The following SPTBN4 variants were observed in gnomAD, a reference collection of about 807,000 sequenced individuals.
SPTBN4 encodes the protein spectrin beta, non-erythrocytic 4, also known as spectrin beta chain, non-erythrocytic 4.
A neutral mutation model predicts 277.8 loss-of-function variants in SPTBN4; 96 were observed. The observed-to-expected ratio is 0.35, with a 90% CI of 0.29 to 0.41. The LOEUF (loss-of-function observed/expected upper bound fraction) is 0.41. Among genes scored for constraint, SPTBN4 ranks in the 10% least tolerant of loss-of-function variants. SPTBN4 has a pLI of 1.00. For missense variants in SPTBN4, 3,006 were observed against 3,595.7 expected, an observed-to-expected ratio of 0.84 and a Z score of 4.19; for synonymous variants, 1,481 against 1,580.3, an observed-to-expected ratio of 0.94 and a Z score of 1.49.
At position 40,515,930 on chromosome 19, in the gene SPTBN4, C is replaced by CACACATATATACGTATATAT. The variant is rs1303898464; in HGVS notation, c.2903+548_2903+567dup. 2.7e-4 allele frequency among the ~76,000 whole-genome samples: 34 copies of CACACATATATACGTATATAT among 124,672 alleles called. No individual in the cohort carries two copies. The highest frequency in any genetic ancestry group is 4.6e-4 in the Admixed American group (6 of 12,908). The allele number at this position is 124,672 out of a possible 152,430, so 81.8% of individuals were successfully genotyped here. A position where few individuals can be genotyped will look rare whatever the true frequency, so the allele number is the denominator to read the frequency against. ...ATATATATACACACACATATATATA[C>CACACATATATACGTATATAT]ACACATATATACGTATATATACACA... On this transcript the variant is annotated intron_variant, in intron 15 of 35. Transcript: ENST00000598249. The surrounding 1 kb of genome is among the most constrained non-coding windows in gnomAD (Gnocchi z 4.1).
chr19:40,551,240 G>A (rs1320500044), intron 22 of SPTBN4, among the ~76,000 whole-genome samples: 1 of 152,134 alleles, frequency 6.6e-6, no homozygotes, highest in African/African-American at 2.4e-5. Flanking sequence ...AAAACATCGA[G>A]TTAGCCTGGT....
chr19:40,514,331 C>G (rs1203324091), intron 14 of SPTBN4, among the ~76,000 whole-genome samples: 2 of 152,208 alleles, frequency 1.3e-5, no homozygotes, highest in African/African-American at 2.4e-5. Flanking sequence ...AGGACCATGT[C>G]TAGCTTAAAG....
chr19:40,508,880 C>G (rs1243744852), intron 13 of SPTBN4, among the ~76,000 whole-genome samples: 2 of 151,764 alleles, frequency 1.3e-5, no homozygotes, highest in East Asian at 1.9e-4. Flanking sequence ...GAGGCTGTTG[C>G]ATTCATTGGC....
intron 20 of SPTBN4, among the ~76,000 whole-genome samples, chr19:40,540,830 A>G (rs1358219581): frequency 1.3e-5 from 2 of 151,544 alleles, no homozygotes; most frequent in African/African-American, 4.8e-5. Flanking sequence ...AAAAAAAAAA[A>G]AAAAAAAAAA....
In SPTBN4 at chr19:40,493,025, G is replaced by A; in HGVS notation, c.558G>A (p.Leu186=). Residue 186 remains leucine, a synonymous_variant, in exon 5 of 36, where the codon CTG becomes CTA. Coordinates refer to ENST00000598249, the MANE Select transcript of SPTBN4 (RefSeq NM_020971.3). ...NRETRSAKDA[L]LLWCQMKTAG... Reference sequence around the variant, plus strand: ...AGACACGCTCAGCCAAGGATGCTCTGCTCTTGTGGTGTCAGATGAAGACAG... The same window carrying A: ...AGACACGCTCAGCCAAGGATGCTCTACTCTTGTGGTGTCAGATGAAGACAG... The A allele has an allele frequency of 6.2e-7, 1 of 1,614,060 alleles. No individual in the cohort carries two copies. Among genetic ancestry groups the A allele is most frequent in the Non-Finnish European group, 8.5e-7 (1 of 1,180,004 alleles).
intron 18 of SPTBN4, chr19:40,530,651 G>C: frequency 1.1e-6 from 1 of 906,660 alleles, no homozygotes; most frequent in Non-Finnish European, 1.3e-6. Flanking sequence ...ACAGGGGAGG[G>C]GGCTCGGGCG....
chr19:40,536,809 C>G (rs1466198750), intron 20 of SPTBN4, among the ~76,000 whole-genome samples: 2 of 152,080 alleles, frequency 1.3e-5, no homozygotes, highest in African/African-American at 4.8e-5. Context: ...TTATTTGAGC[C>G]AGGATCTCGC....
At position 40,554,604 on chromosome 19, in the gene SPTBN4, C is replaced by G. The variant is rs770128891; in HGVS notation, c.5042C>G (p.Ser1681Trp). 3 of 1,561,638 alleles carry G rather than the reference C, an allele frequency of 1.9e-6. No homozygotes were observed. The South Asian group carries it at 3.6e-5, about 19-fold the overall frequency. ...ENYEESIAQL[S>W]RQCRALLEMG... ...TACGAGGAAAGCATCGCGCAGCTGT[C>G]GCGCCAGTGCCGGGCGCTGCTGGAG... Residue 1681 changes from serine to tryptophan, a missense_variant, in exon 24 of 36, where the codon TCG becomes TGG. Physicochemically the swap from Ser to Trp is radical, Grantham distance 177. This residue lies in a region of SPTBN4 where 425 missense variants were observed against 594.7 expected (regional missense o/e 0.71). Coordinates refer to ENST00000598249, the MANE Select transcript of SPTBN4 (RefSeq NM_020971.3). The surrounding 1 kb of genome is among the most constrained non-coding windows in gnomAD (Gnocchi z 5.7).
intron 20 of SPTBN4, 127 bp from the exon 21 acceptor site, chr19:40,549,062 T>G: frequency 1.4e-6 from 1 of 719,700 alleles, no homozygotes; most frequent in Non-Finnish European, 2.2e-6. Context: ...TGGAGGGGAC[T>G]GAACAAGGAG....
At chr19:40,563,447 G>A (rs2081062789) in intron 27 of SPTBN4, among the ~76,000 whole-genome samples, 1 of 152,010 alleles carries the variant, frequency 6.6e-6, no homozygotes. Context: ...ACAAATGCGA[G>A]CCACATATAT....
chr19:40,541,192 A>G (rs1018007767), intron 20 of SPTBN4, among the ~76,000 whole-genome samples: 1 of 152,192 alleles, frequency 6.6e-6, no homozygotes, highest in African/African-American at 2.4e-5. Context: ...GCCAGAGTAC[A>G]GAGTTAGCTC....
chr19:40,566,229 C>T lies in SPTBN4; in HGVS notation c.6206C>T (p.Pro2069Leu), dbSNP rs760646745. The T allele has an allele frequency of 2.3e-5, 36 of 1,555,946 alleles. No individual in the cohort carries two copies. The highest frequency in any genetic ancestry group is 4.7e-5 in the South Asian group (4 of 84,418). The stretch of plus-strand genomic sequence containing the variant: ...GATGCCTGGCTGACAGCCCAGGAGC[C>T]GCTCCTGCAGAGCCGGGAGCTGGGC... ...VADAWLTAQEPLLQSRELGSS... is the reference protein window; with the variant it reads ...VADAWLTAQELLLQSRELGSS... The change falls in exon 30 of 36, where the codon CCG (proline) becomes CTG (leucine). Residue 2069 changes from proline to leucine, a missense_variant. Around this residue, in one of 5 missense-constraint regions of SPTBN4, gnomAD observed 425 missense variants for 594.7 expected, o/e 0.71. Coordinates refer to ENST00000598249, the MANE Select transcript of SPTBN4 (RefSeq NM_020971.3).
rs531971384 is a variant in SPTBN4 at position 40,571,898 on chromosome 19, A to G, written c.7320-121A>G. ...GCATTTTAGGTCCAACTAGGGCGCA[A>G]CTAGGGCGCAAAGGTCCAGAGGTAG... On this transcript the variant is annotated intron_variant, in intron 33 of 35. Coordinates refer to ENST00000598249, the MANE Select transcript of SPTBN4 (RefSeq NM_020971.3). 2.2e-4 allele frequency: 262 copies of G among 1,206,988 alleles called. 1 individual carries two copies. Among genetic ancestry groups the G allele is most frequent in the Non-Finnish European group, 1.1e-5 (10 of 899,150 alleles). 74.8% of individuals were successfully genotyped at this position (1,206,988 alleles called of 1,614,324 possible).
chr19:40,567,009 T>A (rs1599820075), intron 30 of SPTBN4: 3 of 294,370 alleles, frequency 1.0e-5, no homozygotes, highest in South Asian at 2.5e-5. Context: ...GCTTAAAGGC[T>A]GGGTGGGGTG....
At chr19:40,531,484 T>TTTTTG in intron 18 of SPTBN4, among the ~76,000 whole-genome samples, 1 of 123,852 alleles carries the variant, frequency 8.1e-6, no homozygotes, top group East Asian at 2.2e-4. Flanking sequence ...TTTTTTTTTT[T>TTTTTG]TTTTTTTTTT....
intron 3 of SPTBN4, among the ~76,000 whole-genome samples, chr19:40,488,621 G>A (rs562179830): frequency 3.9e-4 from 60 of 152,072 alleles, no homozygotes; most frequent in African/African-American, 1.3e-3. Flanking sequence ...TGAGACCCCC[G>A]TCTCTACGGT....
At chr19:40,531,631 G>C (rs931567124) in intron 18 of SPTBN4, among the ~76,000 whole-genome samples, 2 of 151,254 alleles carry the variant, frequency 1.3e-5, no homozygotes, top group Non-Finnish European at 2.9e-5. Context: ...TTTTTTACTG[G>C]AGGGGGTTGG....
Position 40,515,246 on chromosome 19 carries a change from G to A in SPTBN4, c.2766-65G>A, listed in dbSNP as rs1260099410. ...TTGAGAATTAGGAGTAGAACCAGTA[G>A]AAGGTATTTCATAAAACCAAGGTCC... On this transcript the variant is annotated intron_variant, in intron 14 of 35. Transcript: ENST00000598249. The surrounding 1 kb of genome is among the most constrained non-coding windows in gnomAD (Gnocchi z 4.1). The A allele has an allele frequency of 3.2e-6, 5 of 1,563,762 alleles. No individual in the cohort carries two copies. The African/African-American group carries it at 6.8e-5, about 21-fold the overall frequency.
rs767773914 is a variant in SPTBN4 at position 40,567,820 on chromosome 19, C to G, written c.6494C>G (p.Ser2165Trp). ...RGLEPLARRA[S>W]DTLSAEVRTR... is the part of the protein sequence containing the mutation. The stretch of plus-strand genomic sequence containing the variant: ...TTGGAGCCCCTGGCCCGCCGAGCCT[C>G]GGACACGCTCTCGGCCGAGGTGCGG... Residue 2165 changes from serine (S) to tryptophan (W), a missense_variant, in exon 31 of 36, where the codon TCG (serine) becomes TGG (tryptophan). Ser to Trp is a radical substitution (Grantham distance 177). Around this residue, in one of 5 missense-constraint regions of SPTBN4, gnomAD observed 630 missense variants for 677.6 expected, o/e 0.93. Transcript: ENST00000598249. 1.3e-5 allele frequency: 20 copies of G among 1,517,270 alleles called. No individual in the cohort carries two copies. The highest frequency in any genetic ancestry group is 7.2e-5 in the African/African-American group (5 of 69,584). The allele number at this position is 1,517,270 out of a possible 1,614,324, so 94.0% of individuals were successfully genotyped here.
Sources: gnomAD v4.1 joint callset for allele counts (sites outside exome capture counted in the v4.1 genomes callset) on GRCh38, gnomAD v4.1.1 for gene constraint, gnomAD v4.1.1 regional missense constraint, Gnocchi (gnomAD v3.1) non-coding constraint, MANE v1.5 for transcripts, NCBI Gene and HGNC (gene_info 2026-07-23, HGNC 2026-07-21) for gene names.